The following AHCY variants were observed in gnomAD, a reference collection of about 807,000 sequenced individuals.
AHCY encodes the protein adenosylhomocysteinase.
A neutral mutation model predicts 45.4 loss-of-function variants in AHCY; 24 were observed. The observed-to-expected ratio is 0.53, with a 90% CI of 0.38 to 0.74. The LOEUF is 0.74. Ranked by LOEUF, AHCY falls within the 30% of genes least tolerant of loss-of-function variation. The probability of loss-of-function intolerance (pLI) is 0.00; values close to 1 mark genes in which losing one functional copy is unlikely to be tolerated. For synonymous variants in AHCY, 245 were observed against 235.1 expected (o/e 1.04, Z -0.39); for missense variants, 449 against 594.1 (o/e 0.76, Z 2.54).
At chr20:34,288,208 G>A (rs1170634390) in intron 8 of AHCY, among the ~76,000 whole-genome samples, 2 of 152,190 alleles carry the variant, frequency 1.3e-5, no homozygotes, top group Non-Finnish European at 2.9e-5. Context: ...AGCAGTGTAG[G>A]GGATGTGGGT....
intron 2 of AHCY, chr20:34,295,154 A>G (rs2122781797): frequency 3.2e-6 from 2 of 618,646 alleles, no homozygotes; most frequent in Non-Finnish European, 5.8e-6. Context: ...AGCATCCATC[A>G]GGAGGATGCC....
At chr20:34,288,227 C>T (rs1191889652) in intron 8 of AHCY, among the ~76,000 whole-genome samples, 3 of 152,198 alleles carry the variant, frequency 2.0e-5, no homozygotes, top group South Asian at 2.1e-4. Context: ...GTTCATAGAG[C>T]TGCCTGTCTG....
chr20:34,296,856 T>C (rs902691824), intron 1 of AHCY, among the ~76,000 whole-genome samples: 3 of 152,184 alleles, frequency 2.0e-5, no homozygotes, highest in African/African-American at 7.2e-5. Context: ...TAATAATCAA[T>C]AAAATTGTCT....
the AHCY span, among the ~76,000 whole-genome samples, chr20:34,237,838 G>A: frequency 1.3e-5 from 2 of 152,048 alleles, no homozygotes; most frequent in Admixed American, 1.3e-4. Context: ...TTCCTAGTTT[G>A]TGGAGTGTTT....
At chr20:34,302,963 T>G (rs1170782177) in intron 1 of AHCY, 5 of 985,380 alleles carry the variant, frequency 5.1e-6, no homozygotes, top group Non-Finnish European at 6.0e-6. Context: ...CCAGGTGTGC[T>G]CTCCCGCGGA....
chr20:34,254,399 T>C, the AHCY span, among the ~76,000 whole-genome samples: 3 of 152,202 alleles, frequency 2.0e-5, no homozygotes, highest in African/African-American at 7.2e-5. Flanking sequence ...AGGGAGTGTG[T>C]TTCTCTAATG....
chr20:34,249,077 T>C, the AHCY span, among the ~76,000 whole-genome samples: 1 of 151,482 alleles, frequency 6.6e-6, no homozygotes, highest in African/African-American at 2.4e-5. Context: ...TACAATGAGC[T>C]GAGATGGCAC....
At chr20:34,296,327 T>C (rs1368520570) in intron 1 of AHCY, among the ~76,000 whole-genome samples, 1 of 152,162 alleles carries the variant, frequency 6.6e-6, no homozygotes, top group Non-Finnish European at 1.5e-5. Context: ...CTGCAACTGA[T>C]TGGGTAACTG....
the AHCY span, among the ~76,000 whole-genome samples, chr20:34,265,435 A>T: frequency 4.6e-5 from 7 of 152,046 alleles, no homozygotes; most frequent in African/African-American, 1.7e-4. Context: ...GAAGTAGGAG[A>T]ATCGCTTGAG....
chr20:34,253,467 A>G, the AHCY span, among the ~76,000 whole-genome samples: 1 of 143,136 alleles, frequency 7.0e-6, no homozygotes, highest in Non-Finnish European at 1.5e-5. Context: ...TTATTTATTT[A>G]TTTATTTATT....
chr20:34,246,145 G>T, the AHCY span: 1 of 987,938 alleles, frequency 1.0e-6, no homozygotes, highest in East Asian at 2.4e-5. Flanking sequence ...AAGTTGCAAG[G>T]CCACACACTC....
At position 34,294,748 on chromosome 20, in the gene AHCY, G is replaced by A. The variant is rs186018459; in HGVS notation, c.220-592C>T. Among the ~76,000 whole-genome samples, 136 of 152,262 alleles carry A rather than the reference G, an allele frequency of 8.9e-4. 3 individuals are homozygous for A. Among genetic ancestry groups the A allele is most frequent in the African/African-American group, 1.3e-3 (52 of 41,562 alleles). ...ACCTCCAGGGAGCGTCAACGCCCCC[G>A]CTCCTGGATATGCCAGTCTTGAGTT... On this transcript the variant is annotated intron_variant, in intron 2 of 9. Transcript: ENST00000217426.
chr20:34,307,787 A>G (rs369346470), upstream of AHCY, among the ~76,000 whole-genome samples: 6 of 152,354 alleles, frequency 3.9e-5, no homozygotes, highest in Admixed American at 6.5e-5. Context: ...GTCACCCATT[A>G]AATTAAAAAA....
At chr20:34,302,528 C>T (rs2036812616) in intron 1 of AHCY, 2 of 839,814 alleles carry the variant, frequency 2.4e-6, no homozygotes, top group East Asian at 1.2e-4. Context: ...AACAGTTTCC[C>T]TATAGAGCCA....
At chr20:34,237,827 A>C in the AHCY span, among the ~76,000 whole-genome samples, 1 of 151,804 alleles carries the variant, frequency 6.6e-6, no homozygotes, top group Non-Finnish European at 1.5e-5. Flanking sequence ...CAGTCCTCCT[A>C]TTCCTAGTTT....
the AHCY span, chr20:34,260,624 A>C: frequency 7.4e-7 from 1 of 1,358,358 alleles, no homozygotes; most frequent in Non-Finnish European, 1.0e-6. Context: ...ATCCACCGCC[A>C]TGGTCACGGC....
Position 34,290,010 on chromosome 20 carries a change from C to A in AHCY, c.972+322G>T, listed in dbSNP as rs1471339945. On this transcript the variant is annotated intron_variant, in intron 8 of 9. Transcript: ENST00000217426. The surrounding 1 kb of genome is among the most constrained non-coding windows in gnomAD (Gnocchi z 4.5). ...CTCCCTAAGCTGAGGCTGCCATCAT[C>A]CCCTGCAGGGATTCTACGAGCCTCC... Among the ~76,000 whole-genome samples, 2 of 152,222 alleles carry A rather than the reference C, an allele frequency of 1.3e-5. No individual in the cohort carries two copies. Among genetic ancestry groups the A allele is most frequent in the African/African-American group, 2.4e-5 (1 of 41,462 alleles).
chr20:34,301,169 C>T (rs946340854), intron 1 of AHCY, among the ~76,000 whole-genome samples: 7 of 152,140 alleles, frequency 4.6e-5, no homozygotes, highest in East Asian at 3.9e-4. Context: ...GCCAATTAAC[C>T]GCAGAACCAG....
the AHCY span, among the ~76,000 whole-genome samples, chr20:34,244,442 T>C: frequency 2.6e-5 from 4 of 152,306 alleles, no homozygotes; most frequent in South Asian, 8.3e-4. Context: ...AGAACAATGA[T>C]GATGATTAAT....
Sources: gnomAD v4.1 joint callset for allele counts (sites outside exome capture counted in the v4.1 genomes callset) on GRCh38, gnomAD v4.1.1 for gene constraint, Gnocchi (gnomAD v3.1) non-coding constraint, MANE v1.5 for transcripts, NCBI Gene and HGNC (gene_info 2026-07-23, HGNC 2026-07-21) for gene names.